GUCY1A1: variants seen among roughly 807,000 people sequenced by gnomAD.
GUCY1A1 encodes guanylate cyclase soluble subunit alpha-1.
GUCY1A1 carries 48 observed loss-of-function variants against 64.5 expected under a neutral mutation model. The observed-to-expected ratio is 0.74, with a 90% CI of 0.59 to 0.95. The LOEUF is 0.95. GUCY1A1 is among the 40% of genes least tolerant of loss of function. The pLI, the probability that GUCY1A1 is intolerant of heterozygous loss-of-function variation, is 0.00. For synonymous variants in GUCY1A1, 308 were observed against 303.4 expected, an observed-to-expected ratio of 1.02 and a Z score of -0.16; for missense variants, 804 against 825.3, an observed-to-expected ratio of 0.97 and a Z score of 0.32.
chr4:155,729,898 T>C, intron 9 of GUCY1A1, 132 bp from the exon 10 acceptor site: 1 of 605,578 alleles, frequency 1.7e-6, no homozygotes, highest in Non-Finnish European at 2.9e-6. Flanking sequence ...TTAATCTCGT[T>C]AGACTTTTTC....
intron 2 of GUCY1A1, among the ~76,000 whole-genome samples, chr4:155,690,011 G>A (rs557655162): frequency 8.5e-4 from 129 of 152,316 alleles, no homozygotes; most frequent in African/African-American, 3.0e-3. Flanking sequence ...AGAAATTGGA[G>A]TGAACAATTA....
At chr4:155,692,446 A>C (rs577792902) in intron 2 of GUCY1A1, among the ~76,000 whole-genome samples, 1 of 152,238 alleles carries the variant, frequency 6.6e-6, no homozygotes, top group Admixed American at 6.5e-5. Context: ...TTTTCTCCAC[A>C]ACCTTCTCAG....
intron 2 of GUCY1A1, among the ~76,000 whole-genome samples, chr4:155,686,839 C>T (rs1313270685): frequency 6.6e-6 from 1 of 152,142 alleles, no homozygotes; most frequent in Non-Finnish European, 1.5e-5. Flanking sequence ...AGGAATTAGA[C>T]ATGCAACTTA....
chr4:155,702,539 A>G (rs1731225459), intron 3 of GUCY1A1, among the ~76,000 whole-genome samples: 1 of 152,126 alleles, frequency 6.6e-6, no homozygotes, highest in Non-Finnish European at 1.5e-5. Flanking sequence ...TTGCCTTTAC[A>G]TAGCTCACCA....
chr4:155,722,243 T>C lies in GUCY1A1; in HGVS notation c.1871+51T>C, dbSNP rs371610769. On this transcript the variant is annotated intron_variant, in intron 9 of 9. Transcript: ENST00000506455. ...ATCTCTTGTTTTTATTTATATACAATTGCCATTTGCCCCACTGATTTGATT... is the reference window on the plus strand; with the variant it reads ...ATCTCTTGTTTTTATTTATATACAACTGCCATTTGCCCCACTGATTTGATT... 13 of 1,574,470 alleles carry C rather than the reference T, an allele frequency of 8.3e-6. No homozygotes were observed. The East Asian group carries it at 1.6e-4, about 19-fold the overall frequency.
chr4:155,736,438 A>G lies in GUCY1A1; in HGVS notation c.*6207A>G, dbSNP rs913183503. On this transcript the variant is annotated 3_prime_UTR_variant, in exon 10 of 10. Coordinates refer to ENST00000506455, the MANE Select transcript of GUCY1A1 (RefSeq NM_001130682.3). ...ACTGCCAGAGCTTGGGGAACTCCCT[A>G]GAATCTACTCCTAGACCACCCTAGT... 1.3e-5 allele frequency: 2 copies of G among 152,014 alleles called. No individual in the cohort carries two copies. Among genetic ancestry groups the G allele is most frequent in the African/African-American group, 4.8e-5 (2 of 41,412 alleles). The allele number at this position is 152,014 out of a possible 1,614,324, so 9.4% of individuals were successfully genotyped here. A position where few individuals can be genotyped will look rare whatever the true frequency, so the allele number is the denominator to read the frequency against.
chr4:155,721,648 T>C (rs3796582), intron 8 of GUCY1A1, among the ~76,000 whole-genome samples: 60,259 of 151,884 alleles, frequency 0.4, 12,179 homozygotes, highest in African/African-American at 0.47. Context: ...TTTGGGAAAA[T>C]GATTCCAGGA....
chr4:155,712,976 T>C (rs1218522118), intron 6 of GUCY1A1, 122 bp from the exon 7 acceptor site: 5 of 769,624 alleles, frequency 6.5e-6, no homozygotes, highest in Non-Finnish European at 1.0e-5. Context: ...AGAAAGCAAA[T>C]TGTTCCTTTT....
intron 8 of GUCY1A1, among the ~76,000 whole-genome samples, chr4:155,719,155 A>C (rs554204111): frequency 2.0e-5 from 3 of 152,248 alleles, no homozygotes; most frequent in African/African-American, 7.2e-5. Flanking sequence ...GATTTTTCTA[A>C]GTTGGAAGAA....
At chr4:155,729,848 T>C (rs1168977831) in intron 9 of GUCY1A1, among the ~76,000 whole-genome samples, 182 bp from the exon 10 acceptor site, 1 of 151,872 alleles carries the variant, frequency 6.6e-6, no homozygotes, top group Admixed American at 6.6e-5. Context: ...ATTTTCTTGT[T>C]GTGAATTGAT....
At chr4:155,674,802 C>G (rs1178739953) in intron 2 of GUCY1A1, among the ~76,000 whole-genome samples, 2 of 151,594 alleles carry the variant, frequency 1.3e-5, no homozygotes, top group African/African-American at 4.9e-5. Flanking sequence ...ATAAGTAAAA[C>G]TAGTACCCTC....
In GUCY1A1 at chr4:155,730,308, G is replaced by A; in HGVS notation, c.*77G>A. 1 of 822,362 alleles carries A rather than the reference G, an allele frequency of 1.2e-6. No homozygotes were observed. Among genetic ancestry groups the A allele is most frequent in the Non-Finnish European group, 2.0e-6 (1 of 496,030 alleles). The allele number at this position is 822,362 out of a possible 1,614,324, so 50.9% of individuals were successfully genotyped here. On this transcript the variant is annotated 3_prime_UTR_variant, in exon 10 of 10. Transcript: ENST00000506455. Reference sequence around the variant, plus strand: ...GTAGAGCCTCTGAAAGCACTTTAGGGATTGTAGATGGCTAACAAGCAGTAT... The same window carrying A: ...GTAGAGCCTCTGAAAGCACTTTAGGAATTGTAGATGGCTAACAAGCAGTAT...
At chr4:155,698,650 T>C (rs1018463670) in intron 3 of GUCY1A1, among the ~76,000 whole-genome samples, 2 of 152,200 alleles carry the variant, frequency 1.3e-5, no homozygotes, top group Admixed American at 6.5e-5. Flanking sequence ...ACCTCCAGCC[T>C]GGGCGACAGA....
intron 2 of GUCY1A1, among the ~76,000 whole-genome samples, chr4:155,673,910 C>T (rs1228079701): frequency 1.3e-5 from 2 of 151,400 alleles, no homozygotes; most frequent in East Asian, 1.9e-4. Flanking sequence ...ATTGTGCTTC[C>T]TTTGTAGAAT....
chr4:155,678,703 G>C (rs992403047), intron 2 of GUCY1A1, among the ~76,000 whole-genome samples: 2 of 152,160 alleles, frequency 1.3e-5, no homozygotes, highest in Non-Finnish European at 2.9e-5. Flanking sequence ...AAGTTTTCCT[G>C]ATGATTTGTG....
chr4:155,695,693 A>C (rs1475916927), intron 2 of GUCY1A1, among the ~76,000 whole-genome samples: 1 of 152,192 alleles, frequency 6.6e-6, no homozygotes. Flanking sequence ...GGGGATAATA[A>C]TACCTGTGTT....
intron 4 of GUCY1A1, among the ~76,000 whole-genome samples, chr4:155,704,367 C>T (rs900501781): frequency 2.0e-5 from 3 of 152,192 alleles, no homozygotes; most frequent in Non-Finnish European, 2.9e-5. Flanking sequence ...TATTTAACAA[C>T]AGGTAAGTCA....
chr4:155,730,310 T>C lies in GUCY1A1; in HGVS notation c.*79T>C, dbSNP rs766634471. 6 of 820,446 alleles carry C rather than the reference T, an allele frequency of 7.3e-6. No individual in the cohort carries two copies. The highest frequency in any genetic ancestry group is 2.1e-5 in the Admixed American group (1 of 47,816). The allele number at this position is 820,446 out of a possible 1,614,324, so 50.8% of individuals were successfully genotyped here. A position where few individuals can be genotyped will look rare whatever the true frequency, so the allele number is the denominator to read the frequency against. ...AGAGCCTCTGAAAGCACTTTAGGGA[T>C]TGTAGATGGCTAACAAGCAGTATTA... On this transcript the variant is annotated 3_prime_UTR_variant, in exon 10 of 10. Coordinates refer to ENST00000506455, the MANE Select transcript of GUCY1A1 (RefSeq NM_001130682.3).
intron 2 of GUCY1A1, chr4:155,667,748 G>C (rs564109383): frequency 6.6e-6 from 1 of 151,404 alleles, no homozygotes; most frequent in Non-Finnish European, 1.5e-5. Flanking sequence ...CGCCGGGGCC[G>C]CTGGTCTCCC....
Sources: allele counts gnomAD v4.1 joint callset (sites outside exome capture counted in the v4.1 genomes callset), GRCh38; gene constraint gnomAD v4.1.1; transcripts MANE v1.5; gene names NCBI Gene and HGNC (gene_info 2026-07-23, HGNC 2026-07-21).